Variants in LARP4B observed in about 807,000 individuals in gnomAD.
LARP4B encodes la-related protein 4B.
Under a neutral mutation model 89.8 loss-of-function variants are expected in LARP4B, and 12 were observed. The ratio of observed to expected loss-of-function variants is 0.13; its 90% CI spans 0.09 to 0.22. LARP4B has a LOEUF of 0.22. LARP4B is among the 10% of genes least tolerant of loss of function. The pLI is 1.00. For synonymous variants in LARP4B, 367 were observed against 363.3 expected (o/e 1.01, Z -0.12); for missense variants, 757 against 947.7 (o/e 0.80, Z 2.64).
At chr10:908,560 G>A (rs1482865339) in intron 1 of LARP4B, among the ~76,000 whole-genome samples, 1 of 152,158 alleles carries the variant, frequency 6.6e-6, no homozygotes, top group African/African-American at 2.4e-5. Context: ...ACTATCTCCA[G>A]GTAGAGTGTT....
At chr10:968,369 T>C in the LARP4B span, among the ~76,000 whole-genome samples, 1 of 152,222 alleles carries the variant, frequency 6.6e-6, no homozygotes, top group Non-Finnish European at 1.5e-5. Flanking sequence ...TAGAGATAGT[T>C]TCCAAAGAAT....
intron 5 of LARP4B, among the ~76,000 whole-genome samples, chr10:849,657 T>C (rs925664064): frequency 3.9e-5 from 6 of 152,066 alleles, no homozygotes; most frequent in African/African-American, 1.4e-4. Context: ...CAGTACAACA[T>C]GGAAATGGGG....
chr10:814,585 A>C lies in LARP4B; in HGVS notation c.1929+157T>G. The C allele has an allele frequency of 6.7e-7, 1 of 1,487,784 alleles. No homozygotes were observed. The highest frequency in any genetic ancestry group is 9.2e-7 in the Non-Finnish European group (1 of 1,092,070). The allele number at this position is 1,487,784 out of a possible 1,614,324, so 92.2% of individuals were successfully genotyped here. A position where few individuals can be genotyped will look rare whatever the true frequency, so the allele number is the denominator to read the frequency against. On this transcript the variant is annotated intron_variant, in intron 17 of 17. Transcript: ENST00000316157. The surrounding 1 kb of genome is among the most constrained non-coding windows in gnomAD (Gnocchi z 4.4). ...AGTGGAAAATTATTAGCAAATATTA[A>C]AGGTATTTTGTACAGAAAACACAAC...
At chr10:817,265 T>A (rs558771040) in intron 15 of LARP4B, among the ~76,000 whole-genome samples, 3 of 152,206 alleles carry the variant, frequency 2.0e-5, no homozygotes, top group South Asian at 2.1e-4. Flanking sequence ...CGGCACCTCG[T>A]GGGGCAGCCC....
chr10:840,348 C>A (rs1833463088), intron 7 of LARP4B, among the ~76,000 whole-genome samples: 1 of 152,222 alleles, frequency 6.6e-6, no homozygotes, highest in African/African-American at 2.4e-5. Flanking sequence ...CAATCCCGTT[C>A]ATGCTTTCAC....
intron 3 of LARP4B, among the ~76,000 whole-genome samples, chr10:870,979 G>A (rs188956560): frequency 1.2e-4 from 18 of 152,304 alleles, no homozygotes; most frequent in Admixed American, 2.6e-4. Context: ...CAAAATCAGC[G>A]TTCTCTGTTG....
chr10:815,783 C>T (rs1185626003), intron 15 of LARP4B: 5 of 152,228 alleles, frequency 3.3e-5, no homozygotes, highest in African/African-American at 9.6e-5. Context: ...GTGCTCTTTA[C>T]ACTTCTGCCC....
chr10:899,662 C>G (rs1364052612), intron 1 of LARP4B, among the ~76,000 whole-genome samples: 14 of 152,120 alleles, frequency 9.2e-5, no homozygotes. Context: ...CTCTAATTGT[C>G]TATGATTAGG....
rs1831668640 is a variant in LARP4B at position 809,622 on chromosome 10, GAAACTTA to G, written c.*3297_*3303del. The G allele has an allele frequency of 6.6e-6, 1 of 152,510 alleles. No homozygotes were observed. Among genetic ancestry groups the G allele is most frequent in the South Asian group, 2.1e-4 (1 of 4,820 alleles). The allele number at this position is 152,510 out of a possible 1,614,324, so 9.4% of individuals were successfully genotyped here. A position where few individuals can be genotyped will look rare whatever the true frequency, so the allele number is the denominator to read the frequency against. ...AGTTTTACACTGAATGACACAAAAG[GAAACTTA>G]AATTACCAATAGTTTACATGTAAGC... On this transcript the variant is annotated 3_prime_UTR_variant, in exon 18 of 18. Transcript: ENST00000316157.
chr10:807,177 TC>T (rs1831587032), downstream of LARP4B: 1 of 152,324 alleles, frequency 6.6e-6, no homozygotes, highest in African/African-American at 2.4e-5. Context: ...GACAGATCAG[TC>T]CAACGAGAAG....
rs189692308 is a variant in LARP4B, at chr10:902,239, C to G, written c.-39-16479G>C. 2.0e-5 allele frequency among the ~76,000 whole-genome samples: 3 copies of G among 152,248 alleles called. No individual in the cohort carries two copies. In the East Asian group the frequency reaches 5.8e-4, roughly 29 times the overall value. ...AACCTTTGACGAACTCAAAAACCAC[C>G]ACTCTAATACTTGGTTGTAAAGAAG... On this transcript the variant is annotated intron_variant, in intron 1 of 17. Coordinates refer to ENST00000316157, the MANE Select transcript of LARP4B (RefSeq NM_015155.3).
At chr10:918,333 CAA>C (rs1357734238) in intron 1 of LARP4B, among the ~76,000 whole-genome samples, 1 of 152,162 alleles carries the variant, frequency 6.6e-6, no homozygotes, top group East Asian at 1.9e-4. Flanking sequence ...ACTAACATCA[CAA>C]AAAGAGTTTC....
In LARP4B at chr10:842,959, C is replaced by T. The variant is rs139387430; in HGVS notation, c.619G>A (p.Val207Met). ...CTTAGCACTTCCACAATCAAGTCCA[C>T]ATCAGTGCTGAGCTTCTTGATGTGG... is the stretch of plus-strand genomic sequence containing the variant. ...LDHIKKLSTDVDLIVEVLRSL... is the reference protein window; with the variant it reads ...LDHIKKLSTDMDLIVEVLRSL... Residue 207 changes from valine (V) to methionine (M), a missense_variant, in exon 7 of 18, where the codon GTG (valine) becomes ATG (methionine). By Grantham distance (21) the Val-to-Met change is conservative. Transcript: ENST00000316157. The T allele has an allele frequency of 3.7e-5, 60 of 1,614,182 alleles. No homozygotes were observed. In the African/African-American group the frequency reaches 7.5e-4, roughly 20 times the overall value.
chr10:808,724 C>CGTGTGTGT (rs144069236), downstream of LARP4B: 4 of 147,568 alleles, frequency 2.7e-5, no homozygotes, highest in East Asian at 4.1e-4. Context: ...GGATTAAAAG[C>CGTGTGTGT]GTGTGTGTGT....
At chr10:899,866 T>G (rs575298206) in intron 1 of LARP4B, among the ~76,000 whole-genome samples, 1 of 152,164 alleles carries the variant, frequency 6.6e-6, no homozygotes, top group African/African-American at 2.4e-5. Flanking sequence ...ACTTTAGAGA[T>G]TGCCTTAATT....
intron 8 of LARP4B, among the ~76,000 whole-genome samples, chr10:831,533 C>T (rs1352006787): frequency 6.6e-6 from 1 of 152,178 alleles, no homozygotes; most frequent in Admixed American, 6.5e-5. Flanking sequence ...AGATGGCCTT[C>T]CCCACATCTT....
At chr10:818,083 A>C in intron 14 of LARP4B, 194 bp from the exon 15 acceptor site, 4 of 545,048 alleles carry the variant, frequency 7.3e-6, no homozygotes, top group Non-Finnish European at 9.7e-6. Context: ...CTGAAATCTC[A>C]AGGATGCTGC....
intron 1 of LARP4B, among the ~76,000 whole-genome samples, chr10:899,510 T>C (rs554720796): frequency 6.6e-6 from 1 of 152,344 alleles, no homozygotes; most frequent in South Asian, 2.1e-4. Flanking sequence ...AGGACAGAAA[T>C]ACATATCCCA....
chr10:851,927 G>A (rs879902233), intron 5 of LARP4B, among the ~76,000 whole-genome samples: 5 of 152,060 alleles, frequency 3.3e-5, no homozygotes, highest in Admixed American at 6.5e-5. Flanking sequence ...TAAGCCAGGC[G>A]TGGTGGTGTG....
Sources: gnomAD v4.1 joint callset for allele counts (sites outside exome capture counted in the v4.1 genomes callset) on GRCh38, gnomAD v4.1.1 for gene constraint, Gnocchi (gnomAD v3.1) non-coding constraint, MANE v1.5 for transcripts, NCBI Gene and HGNC (gene_info 2026-07-23, HGNC 2026-07-21) for gene names.